The following THUMPD3 variants were observed in gnomAD, a reference collection of about 807,000 sequenced individuals.
THUMPD3 encodes THUMP domain 3 tRNA guanosine methyltransferase, also known as tRNA (guanine(6)-N(2))-methyltransferase THUMP3.
A neutral mutation model predicts 54.5 loss-of-function variants in THUMPD3; 44 were observed. That is an observed-to-expected ratio of 0.81 (90% confidence interval 0.63 to 1.04). The LOEUF (loss-of-function observed/expected upper bound fraction) is 1.04. THUMPD3 is among the 50% of genes least tolerant of loss of function. The pLI, the probability that THUMPD3 is intolerant of heterozygous loss-of-function variation, is 0.00. For missense variants in THUMPD3, 604 were observed against 601.3 expected (o/e 1.00, Z -0.05); for synonymous variants, 196 against 201.4 (o/e 0.97, Z 0.23).
rs1458920153 is a variant in THUMPD3, at chr3:9,380,633, G to T, written c.1124+15G>T. 1 of 1,557,132 alleles carries T rather than the reference G, an allele frequency of 6.4e-7. No individual in the cohort carries two copies. Among genetic ancestry groups the T allele is most frequent in the Non-Finnish European group, 8.8e-7 (1 of 1,133,110 alleles). On this transcript the variant is annotated intron_variant, in intron 7 of 9. Coordinates refer to ENST00000452837, the MANE Select transcript of THUMPD3 (RefSeq NM_001114092.2). ...ATTAAAGAAGGGTAAAAATTTAAAA[G>T]ATTTCTTAGCATCTTTTAGAGTTAG...
chr3:9,371,610 G>A (rs1196031418), intron 4 of THUMPD3, 74 bp downstream of exon 4: 3 of 1,248,138 alleles, frequency 2.4e-6, no homozygotes, highest in African/African-American at 3.0e-5. Context: ...CTAACCCAAT[G>A]TTATGCACAA....
chr3:9,382,205 G>A (rs1330781005), intron 7 of THUMPD3, among the ~76,000 whole-genome samples: 1 of 152,094 alleles, frequency 6.6e-6, no homozygotes, highest in Non-Finnish European at 1.5e-5. Flanking sequence ...ATTATGTAAT[G>A]ATTGCTTTTA....
chr3:9,366,467 T>C (rs1345372637), intron 2 of THUMPD3, among the ~76,000 whole-genome samples: 1 of 152,226 alleles, frequency 6.6e-6, no homozygotes, highest in Non-Finnish European at 1.5e-5. Flanking sequence ...AGATAGGCAC[T>C]ATTATTATCC....
Position 9,380,603 on chromosome 3 carries a change from G to C in THUMPD3, c.1109G>C (p.Ser370Thr), listed in dbSNP as rs759591846. 1.9e-6 allele frequency: 3 copies of C among 1,610,668 alleles called. No homozygotes were observed. Among genetic ancestry groups the C allele is most frequent in the Non-Finnish European group, 1.7e-6 (2 of 1,177,934 alleles). ...ANNIASLLTK[S>T]QIKEGKPSWG... ...AACATTGCATCTTTATTGACCAAGA[G>C]CCAAATTAAAGAAGGGTAAAAATTT... The change falls in exon 7 of 10, where the codon AGC becomes ACC. Residue 370 changes from serine to threonine, a missense_variant. Ser to Thr is a moderately conservative substitution (Grantham distance 58). Transcript: ENST00000452837.
At chr3:9,379,342 T>A (rs1018197515) in intron 6 of THUMPD3, among the ~76,000 whole-genome samples, 3 of 152,080 alleles carry the variant, frequency 2.0e-5, no homozygotes, top group African/African-American at 7.2e-5. Context: ...GATGTCATCG[T>A]AGGATTGTAG....
At chr3:9,369,635 C>T (rs932173287) in intron 3 of THUMPD3, among the ~76,000 whole-genome samples, 22 of 152,164 alleles carry the variant, frequency 1.4e-4, no homozygotes, top group Non-Finnish European at 2.2e-4. Flanking sequence ...GAATTGGCTG[C>T]GTATACTCCA....
rs553225505 is a variant in THUMPD3, at chr3:9,364,341, T to A, written c.-53-675T>A. Among the ~76,000 whole-genome samples the A allele has an allele frequency of 3.3e-4, 50 of 151,314 alleles. 1 individual carries two copies. The highest frequency in any genetic ancestry group is 6.2e-4 in the South Asian group (3 of 4,810). ...ATATTATTATTATTATTATTATTTA[T>A]TTTATTTATTTATTTATTTTTTTGA... On this transcript the variant is annotated intron_variant, in intron 1 of 9. Transcript: ENST00000452837.
At chr3:9,369,536 C>T (rs1269381902) in intron 3 of THUMPD3, among the ~76,000 whole-genome samples, 1 of 152,082 alleles carries the variant, frequency 6.6e-6, no homozygotes, top group African/African-American at 2.4e-5. Flanking sequence ...CATGTTGGCA[C>T]TTCAAAAAAA....
In THUMPD3 at chr3:9,371,364, C is replaced by CTGA; in HGVS notation, c.639_641dup (p.Asp213dup). ...GATTTGGCATCTTGCAAAGATGAGA[C>CTGA]TGATGAAAGCTCAAAAGAAGAAACT... On this transcript the variant is annotated inframe_insertion, in exon 4 of 10. Transcript: ENST00000452837. 6.2e-7 allele frequency: 1 copy of CTGA among 1,614,134 alleles called. No individual in the cohort carries two copies. Among genetic ancestry groups the CTGA allele is most frequent in the Non-Finnish European group, 8.5e-7 (1 of 1,180,026 alleles).
chr3:9,365,338 T>TTTAACTATAC lies in THUMPD3; in HGVS notation c.252+22_252+23insCTATACTTAA. Reference sequence around the variant, plus strand: ...TGGCACAGGTTTGAATGGAGCAATATTTAAAATAGTTTTCTAAGTTGATCA... The same window carrying TTTAACTATAC: ...TGGCACAGGTTTGAATGGAGCAATATTTAACTATACTTAAAATAGTTTTCTAAGTTGATCA... On this transcript the variant is annotated intron_variant, in intron 2 of 9. Transcript: ENST00000452837. 6.2e-7 allele frequency: 1 copy of TTTAACTATAC among 1,612,628 alleles called. No individual in the cohort carries two copies. Among genetic ancestry groups the TTTAACTATAC allele is most frequent in the African/African-American group, 1.3e-5 (1 of 74,880 alleles).
chr3:9,381,965 A>G (rs1461599201), intron 7 of THUMPD3, among the ~76,000 whole-genome samples: 2 of 149,790 alleles, frequency 1.3e-5, no homozygotes, highest in Non-Finnish European at 3.0e-5. Context: ...TTGTATTTTT[A>G]GTAGAGACGG....
At chr3:9,366,330 C>G (rs1018741524) in intron 2 of THUMPD3, among the ~76,000 whole-genome samples, 1 of 151,520 alleles carries the variant, frequency 6.6e-6, no homozygotes, top group African/African-American at 2.4e-5. Context: ...ATTTTTTTTT[C>G]CACCAATATA....
At chr3:9,375,525 T>C (rs1313193043) in intron 5 of THUMPD3, among the ~76,000 whole-genome samples, 3 of 152,218 alleles carry the variant, frequency 2.0e-5, no homozygotes, top group African/African-American at 7.2e-5. Context: ...GATGGCAAAA[T>C]GGATTTGATG....
intron 7 of THUMPD3, 165 bp from the exon 8 acceptor site, chr3:9,383,034 T>C: frequency 1.9e-6 from 1 of 515,632 alleles, no homozygotes; most frequent in African/African-American, 1.9e-5. Flanking sequence ...GCCTGACCTA[T>C]TTTTTACCTT....
In THUMPD3 at chr3:9,371,838, A is replaced by T. The variant is rs189344141; in HGVS notation, c.807+302A>T. ...TTGGTGCAATACCTTGCATACACTAAGTGCTCCATAGATGGAAGCCATCAA... is the reference window on the plus strand; with the variant it reads ...TTGGTGCAATACCTTGCATACACTATGTGCTCCATAGATGGAAGCCATCAA... On this transcript the variant is annotated intron_variant, in intron 4 of 9. Transcript: ENST00000452837. Among the ~76,000 whole-genome samples, 694 of 152,316 alleles carry T rather than the reference A, an allele frequency of 4.6e-3. 9 individuals carry two copies. The highest frequency in any genetic ancestry group is 0.017 in the Middle Eastern group (5 of 294).
At chr3:9,383,371 TAA>T (rs914307627) in intron 8 of THUMPD3, 62 bp downstream of exon 8, 8 of 1,319,842 alleles carry the variant, frequency 6.1e-6, no homozygotes, top group South Asian at 1.2e-5. Flanking sequence ...GCGTTTATTC[TAA>T]GTCAGGAAAA....
At chr3:9,382,278 C>G (rs1350868456) in intron 7 of THUMPD3, among the ~76,000 whole-genome samples, 2 of 151,996 alleles carry the variant, frequency 1.3e-5, no homozygotes, top group Non-Finnish European at 2.9e-5. Flanking sequence ...TGCTGATAAC[C>G]TTTGACTTAT....
intron 3 of THUMPD3, among the ~76,000 whole-genome samples, chr3:9,367,703 T>C (rs372552829): frequency 1.3e-4 from 20 of 152,340 alleles, no homozygotes; most frequent in African/African-American, 4.8e-4. Context: ...TTCCAAAACG[T>C]TATTCAAAAA....
Position 9,386,739 on chromosome 3 carries a change from G to A in THUMPD3, c.*2051G>A, listed in dbSNP as rs1189898572. 6.6e-6 allele frequency: 1 copy of A among 152,076 alleles called. No homozygotes were observed. The highest frequency in any genetic ancestry group is 2.4e-5 in the African/African-American group (1 of 41,404). The allele number at this position is 152,076 out of a possible 1,614,324, so 9.4% of individuals were successfully genotyped here. A position where few individuals can be genotyped will look rare whatever the true frequency, so the allele number is the denominator to read the frequency against. The stretch of plus-strand genomic sequence containing the variant: ...TTTAACCTTCAAAGTGGGTCTCCTG[G>A]ACTAAAAGAATGTGAAAAGATGGGG... On this transcript the variant is annotated 3_prime_UTR_variant, in exon 10 of 10. Transcript: ENST00000452837.
Sources: gnomAD v4.1 joint callset for allele counts (sites outside exome capture counted in the v4.1 genomes callset) on GRCh38, gnomAD v4.1.1 for gene constraint, MANE v1.5 for transcripts, NCBI Gene and HGNC (gene_info 2026-07-23, HGNC 2026-07-21) for gene names.